ARID1B: variants seen among roughly 807,000 people sequenced by gnomAD.
ARID1B encodes the protein AT-rich interaction domain 1B, also known as AT-rich interactive domain-containing protein 1B.
In ARID1B, 30 loss-of-function variants were observed where a neutral mutation model predicts 212.3. The ratio of observed to expected loss-of-function variants is 0.14; its 90% confidence interval spans 0.11 to 0.19. The LOEUF (loss-of-function observed/expected upper bound fraction) is 0.19. Among genes scored for constraint, ARID1B ranks in the 10% least tolerant of loss-of-function variants. The pLI is 1.00. For missense variants in ARID1B, 2,891 were observed against 3,204.0 expected (o/e 0.90, Z 2.36); for synonymous variants, 1,402 against 1,301.7 (o/e 1.08, Z -1.66).
chr6:157,206,921 A>C lies in ARID1B; in HGVS notation c.6149A>C (p.Asp2050Ala). 1 of 1,614,178 alleles carries C rather than the reference A, an allele frequency of 6.2e-7. No homozygotes were observed. Among genetic ancestry groups the C allele is most frequent in the Non-Finnish European group, 8.5e-7 (1 of 1,180,038 alleles). The change falls in exon 20 of 20, where the codon GAC (aspartate) becomes GCC (alanine). Residue 2050 changes from aspartate to alanine, a missense_variant. Transcript: ENST00000636930. This position sits in a 1 kb window ranked among gnomAD's most constrained non-coding sequence, Gnocchi z 6.8. Reference protein sequence around the residue: ...KLLEDEPRSRDETPLCTIAHW... With the variant: ...KLLEDEPRSRAETPLCTIAHW... ...CTGGAGGACGAGCCCAGGAGCCGAG[A>C]CGAGACTCCTCTGTGTACCATCGCG...
intron 2 of ARID1B, among the ~76,000 whole-genome samples, chr6:156,900,631 T>G (rs1402140104): frequency 6.6e-6 from 1 of 152,208 alleles, no homozygotes; most frequent in Non-Finnish European, 1.5e-5. Context: ...GATTTCTCAT[T>G]AAGAAAATAT....
chr6:157,122,460 A>G (rs79514854), intron 6 of ARID1B, among the ~76,000 whole-genome samples: 2,785 of 152,332 alleles, frequency 0.018, 94 homozygotes, highest in African/African-American at 0.064. Context: ...GTGGAATTCA[A>G]ACAATTATCA....
intron 4 of ARID1B, among the ~76,000 whole-genome samples, chr6:157,064,257 A>C (rs977212731): frequency 1.3e-4 from 20 of 152,188 alleles, no homozygotes; most frequent in African/African-American, 4.8e-4. Flanking sequence ...GACGATAGGT[A>C]CTGCCTATTT....
chr6:156,804,552 G>A (rs2127954964), intron 1 of ARID1B, among the ~76,000 whole-genome samples: 1 of 152,188 alleles, frequency 6.6e-6, no homozygotes, highest in South Asian at 2.1e-4. Context: ...CATGGTAGAA[G>A]GCACCTCTTC....
At chr6:156,970,402 A>T (rs1405779403) in intron 4 of ARID1B, among the ~76,000 whole-genome samples, 1 of 152,252 alleles carries the variant, frequency 6.6e-6, no homozygotes, top group Admixed American at 6.5e-5. Flanking sequence ...CTTTTTAAAT[A>T]AAAAATTTTT....
At position 157,148,995 on chromosome 6, in the gene ARID1B, C is replaced by T; in HGVS notation, c.3089+44C>T. On this transcript the variant is annotated intron_variant, in intron 8 of 19. Coordinates refer to ENST00000636930, the MANE Select transcript of ARID1B (RefSeq NM_001374828.1). This position sits in a 1 kb window ranked among gnomAD's most constrained non-coding sequence, Gnocchi z 5.6. ...CGCCCCGGGCAGGTACGCTGTGTGTCTACCCGTGACCACGTGACTGCGCAC... is the reference window on the plus strand; with the variant it reads ...CGCCCCGGGCAGGTACGCTGTGTGTTTACCCGTGACCACGTGACTGCGCAC... The T allele has an allele frequency of 2.6e-6, 4 of 1,561,006 alleles. No homozygotes were observed. Among genetic ancestry groups the T allele is most frequent in the Non-Finnish European group, 3.5e-6 (4 of 1,148,054 alleles).
rs556924988 is a variant in ARID1B at position 157,065,943 on chromosome 6, A to T, written c.2248-18719A>T. 5.3e-5 allele frequency among the ~76,000 whole-genome samples: 8 copies of T among 152,332 alleles called. No homozygotes were observed. The East Asian group carries it at 1.3e-3, about 26-fold the overall frequency. Reference sequence around the variant, plus strand: ...AAATGAACACACTTGTGTAATCAGTACTTGGTTCAGAAACACCACCAGGAC... The same window carrying T: ...AAATGAACACACTTGTGTAATCAGTTCTTGGTTCAGAAACACCACCAGGAC... On this transcript the variant is annotated intron_variant, in intron 4 of 19. Transcript: ENST00000636930.
At chr6:156,824,991 A>G (rs1782642502) in intron 1 of ARID1B, among the ~76,000 whole-genome samples, 1 of 151,570 alleles carries the variant, frequency 6.6e-6, no homozygotes, top group South Asian at 2.1e-4. Context: ...CAGCCTTCTG[A>G]GTAGCTGGGA....
chr6:156,875,842 C>T (rs755415338), intron 2 of ARID1B, among the ~76,000 whole-genome samples: 3 of 152,190 alleles, frequency 2.0e-5, no homozygotes, highest in Non-Finnish European at 4.4e-5. Flanking sequence ...TACGTTTTGG[C>T]TAACAAATGT....
chr6:157,100,718 A>G (rs1352731402), intron 5 of ARID1B, among the ~76,000 whole-genome samples: 1 of 152,244 alleles, frequency 6.6e-6, no homozygotes, highest in African/African-American at 2.4e-5. Context: ...GAGCTGTACC[A>G]TCTTACCATA....
At chr6:157,107,982 AGTC>A (rs1475554993) in intron 5 of ARID1B, 1 of 152,200 alleles carries the variant, frequency 6.6e-6, no homozygotes, top group East Asian at 1.9e-4. Context: ...GCATTTTCTG[AGTC>A]ATCATCTGCT....
At chr6:156,984,229 A>C (rs1320485917) in intron 4 of ARID1B, among the ~76,000 whole-genome samples, 2 of 152,202 alleles carry the variant, frequency 1.3e-5, no homozygotes, top group African/African-American at 4.8e-5. Flanking sequence ...AGTCCGGTGC[A>C]GCTCCAGAAT....
intron 2 of ARID1B, among the ~76,000 whole-genome samples, chr6:156,849,288 C>T (rs1393231774): frequency 1.3e-5 from 2 of 152,104 alleles, no homozygotes; most frequent in African/African-American, 4.8e-5. Flanking sequence ...TCCTTCATGC[C>T]CTCTTCCCTG....
chr6:156,855,784 A>T (rs774081766), intron 2 of ARID1B, among the ~76,000 whole-genome samples: 6 of 152,160 alleles, frequency 3.9e-5, no homozygotes, highest in Non-Finnish European at 8.8e-5. Flanking sequence ...AGATGGGAAT[A>T]TGGAATTCAG....
At chr6:156,792,101 AT>A (rs1241376883) in intron 1 of ARID1B, among the ~76,000 whole-genome samples, 2 of 152,224 alleles carry the variant, frequency 1.3e-5, no homozygotes, top group Non-Finnish European at 2.9e-5. Context: ...TATGAGAGTT[AT>A]TAGCTTTGTA....
At chr6:157,039,644 T>TTC (rs1781611744) in intron 4 of ARID1B, among the ~76,000 whole-genome samples, 3 of 91,482 alleles carry the variant, frequency 3.3e-5, no homozygotes, top group Non-Finnish European at 7.6e-5. Flanking sequence ...CTTCCTTCCT[T>TTC]CTTTCCTTCC....
intron 5 of ARID1B, among the ~76,000 whole-genome samples, chr6:157,098,817 C>T (rs560178234): frequency 6.6e-6 from 1 of 152,314 alleles, no homozygotes; most frequent in Non-Finnish European, 1.5e-5. Context: ...GCTGTGCCAG[C>T]CGCCACCCTG....
rs543556574 is a variant in ARID1B, at chr6:157,209,625, A to G, written c.*1734A>G. On this transcript the variant is annotated 3_prime_UTR_variant, in exon 20 of 20. Transcript: ENST00000636930. ...TCCATCTTAGTTTAATCAAAGTTCA[A>G]TCTATTCCTTGTTTCTTCTGTGTGC... The G allele has an allele frequency of 6.0e-5, 14 of 233,146 alleles. No individual in the cohort carries two copies. Among genetic ancestry groups the G allele is most frequent in the African/African-American group, 2.0e-4 (9 of 45,450 alleles). 14.4% of individuals were successfully genotyped at this position (233,146 alleles called of 1,614,324 possible). A position where few individuals can be genotyped will look rare whatever the true frequency, so the allele number is the denominator to read the frequency against.
At chr6:156,897,202 TGCTGCTG>T (rs1788486177) in intron 2 of ARID1B, among the ~76,000 whole-genome samples, 1 of 74,722 alleles carries the variant, frequency 1.3e-5, no homozygotes, top group Admixed American at 1.2e-4. Flanking sequence ...CTGCTGCTGC[TGCTGCTG>T]CTGCTGCTGC....
Sources: allele counts gnomAD v4.1 joint callset (sites outside exome capture counted in the v4.1 genomes callset), GRCh38; gene constraint gnomAD v4.1.1; non-coding constraint Gnocchi (gnomAD v3.1); transcripts MANE v1.5; gene names NCBI Gene and HGNC (gene_info 2026-07-23, HGNC 2026-07-21).